RPL28: variants seen among roughly 807,000 people sequenced by gnomAD.
RPL28 encodes the protein large ribosomal subunit protein eL28.
In RPL28, 4 loss-of-function variants were observed where a neutral mutation model predicts 12.5. The ratio of observed to expected loss-of-function variants is 0.32; its 90% CI spans 0.16 to 0.73. The LOEUF (loss-of-function observed/expected upper bound fraction) is 0.73. RPL28 is among the 30% of genes least tolerant of loss of function. The pLI is 0.66. For missense variants in RPL28, 214 were observed against 197.7 expected (o/e 1.08, Z -0.49); for synonymous variants, 91 against 72.5 (o/e 1.26, Z -1.30).
chr19:55,397,970 C>T (rs941024257), intron 4 of RPL28, among the ~76,000 whole-genome samples: 2 of 151,890 alleles, frequency 1.3e-5, no homozygotes, highest in Non-Finnish European at 2.9e-5. Flanking sequence ...CCGAGGCAGG[C>T]GGATCACTTG....
Position 55,386,559 on chromosome 19 carries a change from C to G in RPL28, c.82-11C>G. ...CCTTATTCACGATGCCTTGTGCCGCCTCCTTCCCAGGAGCCCAATAACTTG... is the reference window on the plus strand; with the variant it reads ...CCTTATTCACGATGCCTTGTGCCGCGTCCTTCCCAGGAGCCCAATAACTTG... On this transcript the variant is annotated splice_polypyrimidine_tract_variant and intron_variant, in intron 2 of 4. Coordinates refer to ENST00000344063, the MANE Select transcript of RPL28 (RefSeq NM_000991.5). 1 of 1,602,814 alleles carries G rather than the reference C, an allele frequency of 6.2e-7. No individual in the cohort carries two copies. Among genetic ancestry groups the G allele is most frequent in the Non-Finnish European group, 8.5e-7 (1 of 1,170,682 alleles).
rs34259396 is a variant in RPL28, at chr19:55,387,960, G to C, written c.236G>C (p.Arg79Pro). 8.6e-5 allele frequency: 138 copies of C among 1,600,384 alleles called. No individual in the cohort carries two copies. The highest frequency in any genetic ancestry group is 1.0e-4 in the Admixed American group (6 of 58,940). The stretch of plus-strand genomic sequence containing the variant: ...CGGAAGCCTGCCACCTCCTATGTGC[G>C]GACCACCATCAACAAGAATGCTCGC... Reference protein sequence around the residue: ...GQRKPATSYVRTTINKNARAT... With the variant: ...GQRKPATSYVPTTINKNARAT... Residue 79 changes from arginine to proline, a missense_variant, in exon 4 of 5, where the codon CGG becomes CCG. Transcript: ENST00000344063.
In RPL28 at chr19:55,388,251, C is replaced by T; in HGVS notation, c.333C>T (p.Ile111=). 1.9e-6 allele frequency: 3 copies of T among 1,556,742 alleles called. No homozygotes were observed. Among genetic ancestry groups the T allele is most frequent in the Non-Finnish European group, 2.6e-6 (3 of 1,153,124 alleles). Residue 111 remains isoleucine (I), a synonymous_variant, in exon 5 of 5, where the codon ATC becomes ATT. Transcript: ENST00000344063. ...KYRPDLRMAA[I]RRASAILRSQ... is the part of the protein sequence containing the mutation. ...TGCTCCCCCGCCCCCAGGCAGCCAT[C>T]CGCAGGGCCAGCGCCATCCTGCGCA...
At position 55,399,323 on chromosome 19, in the gene RPL28, C is replaced by T. The variant is rs181248031; in HGVS notation, c.325-3620C>T. Reference sequence around the variant, plus strand: ...CTGGGATTACAGACATGCACCACCACGTCCAGCTAATTTTTGTATTTTTAG... The same window carrying T: ...CTGGGATTACAGACATGCACCACCATGTCCAGCTAATTTTTGTATTTTTAG... On this transcript the variant is annotated intron_variant, in intron 4 of 4. Transcript: ENST00000560055. Among the ~76,000 whole-genome samples the T allele has an allele frequency of 1.6e-4, 24 of 152,238 alleles. No individual in the cohort carries two copies. The East Asian group carries it at 2.9e-3, about 18-fold the overall frequency.
chr19:55,401,346 C>T (rs191733596), intron 4 of RPL28: 6 of 1,013,250 alleles, frequency 5.9e-6, no homozygotes, highest in Admixed American at 5.5e-5. Context: ...CCCTCCCCGA[C>T]CCCAGCCATA....
chr19:55,398,546 C>A (rs2090037517), intron 4 of RPL28, among the ~76,000 whole-genome samples: 1 of 152,158 alleles, frequency 6.6e-6, no homozygotes, highest in Admixed American at 6.5e-5. Flanking sequence ...TGCATTTTTC[C>A]AGTTACTAAT....
chr19:55,387,662 A>C (rs1338004144), intron 3 of RPL28: 1 of 1,387,590 alleles, frequency 7.2e-7, no homozygotes, highest in African/African-American at 1.5e-5. Flanking sequence ...CTGAAGCGGC[A>C]GCTTTCTGGC....
Position 55,389,963 on chromosome 19 carries a change from A to C in RPL28, c.*1631A>C, listed in dbSNP as rs2089974966. 2 of 985,374 alleles carry C rather than the reference A, an allele frequency of 2.0e-6. No homozygotes were observed. Among genetic ancestry groups the C allele is most frequent in the South Asian group, 4.7e-5 (1 of 21,294 alleles). The allele number at this position is 985,374 out of a possible 1,614,324, so 61.0% of individuals were successfully genotyped here. ...CTCACTGCGCTGGGACTCCGCCTTC[A>C]TAAGGAGAGCTCACTGCTCACGTTA... On this transcript the variant is annotated 3_prime_UTR_variant, in exon 5 of 5. Transcript: ENST00000344063.
rs2089962848 is a variant in RPL28, at chr19:55,388,922, G to A, written c.*590G>A. On this transcript the variant is annotated 3_prime_UTR_variant, in exon 5 of 5. Coordinates refer to ENST00000344063, the MANE Select transcript of RPL28 (RefSeq NM_000991.5). ...AACTGTAAGGGAGATGGCAGCCCCA[G>A]GGTACAGCCAGCAGGCATTGAGCAG... 1 of 985,446 alleles carries A rather than the reference G, an allele frequency of 1.0e-6. No individual in the cohort carries two copies. The highest frequency in any genetic ancestry group is 6.2e-5 in the Admixed American group (1 of 16,252). 61.0% of individuals were successfully genotyped at this position (985,446 alleles called of 1,614,324 possible). A position where few individuals can be genotyped will look rare whatever the true frequency, so the allele number is the denominator to read the frequency against.
chr19:55,393,421 C>T (rs1005284133), downstream of RPL28, among the ~76,000 whole-genome samples: 4 of 151,358 alleles, frequency 2.6e-5, no homozygotes, highest in Non-Finnish European at 5.9e-5. Context: ...AGACTGTCTC[C>T]AAAAAAAGAA....
chr19:55,395,127 CTTAT>C (rs139235393), downstream of RPL28, among the ~76,000 whole-genome samples: 269 of 151,758 alleles, frequency 1.8e-3, 1 homozygote, highest in Middle Eastern at 0.01. Flanking sequence ...TTTTCCTTTT[CTTAT>C]TTATTTATTT....
intron 3 of RPL28, 94 bp downstream of exon 3, chr19:55,386,787 C>T (rs1462091525): frequency 6.2e-7 from 1 of 1,610,782 alleles, no homozygotes; most frequent in African/African-American, 1.3e-5. Context: ...CGGTAACTGC[C>T]ATCGCGGCGG....
In RPL28 at chr19:55,388,283, A is replaced by T; in HGVS notation, c.365A>T (p.Lys122Met). ...GCCAGCGCCATCCTGCGCAGCCAGA[A>T]GCCTGTGATGGTGAAGAGGAAGCGG... ...RRASAILRSQ[K>M]PVMVKRKRTR... The change falls in exon 5 of 5, where the codon AAG (lysine) becomes ATG (methionine). Residue 122 changes from lysine (K) to methionine (M), a missense_variant. Coordinates refer to ENST00000344063, the MANE Select transcript of RPL28 (RefSeq NM_000991.5). 3 of 1,585,296 alleles carry T rather than the reference A, an allele frequency of 1.9e-6. No individual in the cohort carries two copies. The highest frequency in any genetic ancestry group is 2.6e-6 in the Non-Finnish European group (3 of 1,166,272).
chr19:55,389,513 C>G lies in RPL28; in HGVS notation c.*1181C>G. 1 of 985,464 alleles carries G rather than the reference C, an allele frequency of 1.0e-6. No individual in the cohort carries two copies. Among genetic ancestry groups the G allele is most frequent in the Non-Finnish European group, 1.2e-6 (1 of 829,950 alleles). The allele number at this position is 985,464 out of a possible 1,614,324, so 61.0% of individuals were successfully genotyped here. The stretch of plus-strand genomic sequence containing the variant: ...CCCGATTCAAAGAAGGACTCTGCTC[C>G]CTGTCTGAGACCACCCCCGGCTCTG... On this transcript the variant is annotated 3_prime_UTR_variant, in exon 5 of 5. Transcript: ENST00000344063.
Position 55,390,855 on chromosome 19 carries a change from A to G in RPL28, c.*2523A>G, listed in dbSNP as rs2089983674. The G allele has an allele frequency of 1.0e-6, 1 of 985,264 alleles. No individual in the cohort carries two copies. The allele number at this position is 985,264 out of a possible 1,614,324, so 61.0% of individuals were successfully genotyped here. On this transcript the variant is annotated 3_prime_UTR_variant, in exon 5 of 5. Coordinates refer to ENST00000344063, the MANE Select transcript of RPL28 (RefSeq NM_000991.5). The stretch of plus-strand genomic sequence containing the variant: ...CAGTGTGCTGAGCAAACGTGGAGAC[A>G]CCATTTCCCTCCTCTAGACCTCATC...
At position 55,389,753 on chromosome 19, in the gene RPL28, A is replaced by T; in HGVS notation, c.*1421A>T. 1 of 985,540 alleles carries T rather than the reference A, an allele frequency of 1.0e-6. No individual in the cohort carries two copies. Among genetic ancestry groups the T allele is most frequent in the Non-Finnish European group, 1.2e-6 (1 of 830,042 alleles). 61.0% of individuals were successfully genotyped at this position (985,540 alleles called of 1,614,324 possible). A position where few individuals can be genotyped will look rare whatever the true frequency, so the allele number is the denominator to read the frequency against. ...CTTTGTCCTTCCCTTAGTTGGGTCT[A>T]TTAGCTCAGATTGAGAGGTGTTGCC... On this transcript the variant is annotated 3_prime_UTR_variant, in exon 5 of 5. Coordinates refer to ENST00000344063, the MANE Select transcript of RPL28 (RefSeq NM_000991.5).
chr19:55,395,283 T>C (rs745442401), downstream of RPL28, among the ~76,000 whole-genome samples: 3 of 151,174 alleles, frequency 2.0e-5, no homozygotes, highest in African/African-American at 7.3e-5. Context: ...ATTACAGGCA[T>C]GCGCCACCAT....
At chr19:55,402,429 T>G (rs552703617) in intron 4 of RPL28, among the ~76,000 whole-genome samples, 18 of 152,280 alleles carry the variant, frequency 1.2e-4, no homozygotes, top group African/African-American at 4.1e-4. Flanking sequence ...CTCAACCCCC[T>G]TCACAGCCCG....
chr19:55,393,037 CT>C (rs1159328587), downstream of RPL28, among the ~76,000 whole-genome samples: 2 of 152,036 alleles, frequency 1.3e-5, no homozygotes, highest in Admixed American at 6.6e-5. Flanking sequence ...CCCAGCACCC[CT>C]CTCCTCTGTT....
Sources: allele counts gnomAD v4.1 joint callset (sites outside exome capture counted in the v4.1 genomes callset), GRCh38; gene constraint gnomAD v4.1.1; transcripts MANE v1.5; gene names NCBI Gene and HGNC (gene_info 2026-07-23, HGNC 2026-07-21).